GAS7: variants seen among roughly 807,000 people sequenced by gnomAD.
GAS7 encodes the protein growth arrest specific 7.
A neutral mutation model predicts 71.1 loss-of-function variants in GAS7; 28 were observed. The observed-to-expected ratio is 0.39, with a 90% CI of 0.29 to 0.54. The LOEUF (loss-of-function observed/expected upper bound fraction) is 0.54, where lower values mean the gene tolerates loss of function less well. Ranked by LOEUF, GAS7 falls within the 20% of genes least tolerant of loss-of-function variation. The pLI is 0.62. For missense variants in GAS7, 436 were observed against 627.8 expected (o/e 0.69, Z 3.27); for synonymous variants, 258 against 245.8 (o/e 1.05, Z -0.46).
At chr17:10,172,660 C>A (rs541163929) in intron 1 of GAS7, among the ~76,000 whole-genome samples, 1 of 152,256 alleles carries the variant, frequency 6.6e-6, no homozygotes, top group Non-Finnish European at 1.5e-5. Context: ...GCGCCTCTTA[C>A]AACATTCTGC....
chr17:9,931,492 C>G (rs575781096), intron 9 of GAS7, among the ~76,000 whole-genome samples: 1 of 152,280 alleles, frequency 6.6e-6, no homozygotes, highest in East Asian at 1.9e-4. Flanking sequence ...TGGCAGCCCG[C>G]CCAGGATCTT....
chr17:9,976,802 G>C (rs1367409954), intron 3 of GAS7, among the ~76,000 whole-genome samples: 1 of 152,098 alleles, frequency 6.6e-6, no homozygotes, highest in Non-Finnish European at 1.5e-5. Context: ...AAAAATAATA[G>C]ATTTCTTTTA....
chr17:10,196,187 G>A (rs541338561), intron 1 of GAS7, among the ~76,000 whole-genome samples: 5 of 152,232 alleles, frequency 3.3e-5, no homozygotes, highest in South Asian at 2.1e-4. Flanking sequence ...AGTTGAGCCC[G>A]GGCTATCATG....
In GAS7 at chr17:9,940,169, A is replaced by G. The variant is rs1442942346; in HGVS notation, c.763T>C (p.Leu255=). Reference sequence around the variant, plus strand: ...AAGGAGTTCTGAGAGAGCTTAGCTAAGTTCTTCGCATAGTCTTCTTCAATC... The same window carrying G: ...AAGGAGTTCTGAGAGAGCTTAGCTAGGTTCTTCGCATAGTCTTCTTCAATC... ...IKIEEDYAKN[L]AKLSQNSLAS... Residue 255 remains leucine (L), a synonymous_variant, in exon 8 of 14, where the codon TTA becomes CTA. Transcript: ENST00000432992. The G allele has an allele frequency of 6.2e-7, 1 of 1,612,830 alleles. No individual in the cohort carries two copies. Among genetic ancestry groups the G allele is most frequent in the Non-Finnish European group, 8.5e-7 (1 of 1,178,808 alleles).
chr17:9,975,644 G>T (rs1310097516), intron 3 of GAS7, among the ~76,000 whole-genome samples: 1 of 151,940 alleles, frequency 6.6e-6, no homozygotes, highest in Non-Finnish European at 1.5e-5. Context: ...AATTCTGCCA[G>T]ATGTGTATTG....
intron 4 of GAS7, among the ~76,000 whole-genome samples, chr17:9,960,740 C>T (rs1361592031): frequency 6.6e-6 from 1 of 152,202 alleles, no homozygotes; most frequent in Non-Finnish European, 1.5e-5. Flanking sequence ...CTGCTAAGGT[C>T]GCATACCCTT....
intron 1 of GAS7, among the ~76,000 whole-genome samples, chr17:10,030,356 G>A (rs1483427673): frequency 6.6e-6 from 1 of 152,234 alleles, no homozygotes; most frequent in Non-Finnish European, 1.5e-5. Flanking sequence ...ACACCTGTTT[G>A]GCTTTGTAAG....
chr17:10,009,115 T>C (rs1210345067), intron 2 of GAS7, among the ~76,000 whole-genome samples: 2 of 151,280 alleles, frequency 1.3e-5, no homozygotes, highest in African/African-American at 4.9e-5. Flanking sequence ...GGTCAGGAGA[T>C]CGAGACCATC....
chr17:10,082,672 C>T (rs2152252146), intron 1 of GAS7, among the ~76,000 whole-genome samples: 1 of 152,240 alleles, frequency 6.6e-6, no homozygotes, highest in East Asian at 1.9e-4. Context: ...GAAAATGTGT[C>T]CGAAAAACCT....
At chr17:10,085,706 A>AAAAAAAAAAAGAAAGAAAG (rs1555531934) in intron 1 of GAS7, among the ~76,000 whole-genome samples, 4 of 134,914 alleles carry the variant, frequency 3.0e-5, no homozygotes, top group Admixed American at 7.4e-5. Flanking sequence ...AAAAAAAAAA[A>AAAAAAAAAAAGAAAGAAAG]AAAGAAAGAA....
At chr17:9,932,425 TC>T (rs2068243205) in intron 9 of GAS7, among the ~76,000 whole-genome samples, 1 of 152,110 alleles carries the variant, frequency 6.6e-6, no homozygotes, top group Non-Finnish European at 1.5e-5. Flanking sequence ...GATCTCATGA[TC>T]TCATGATCCA....
chr17:10,127,500 A>T (rs2073960376), intron 1 of GAS7, among the ~76,000 whole-genome samples: 1 of 152,096 alleles, frequency 6.6e-6, no homozygotes, highest in African/African-American at 2.4e-5. Flanking sequence ...TTGCCCCAGC[A>T]CCTCATCAAA....
chr17:10,188,749 C>G (rs1362535396), intron 1 of GAS7, among the ~76,000 whole-genome samples: 2 of 152,096 alleles, frequency 1.3e-5, no homozygotes, highest in African/African-American at 4.8e-5. Flanking sequence ...AGCGATCCTC[C>G]CACCTGAGCC....
At chr17:9,963,594 T>C (rs1278977625) in intron 4 of GAS7, among the ~76,000 whole-genome samples, 3 of 151,840 alleles carry the variant, frequency 2.0e-5, no homozygotes, top group Admixed American at 6.6e-5. Flanking sequence ...GGGGGCCAGG[T>C]ATGGTGGCGC....
chr17:9,979,137 A>G (rs1423316751), intron 3 of GAS7, among the ~76,000 whole-genome samples: 1 of 152,250 alleles, frequency 6.6e-6, no homozygotes, highest in Non-Finnish European at 1.5e-5. Flanking sequence ...ACAAAGCACA[A>G]ACGAACTGAG....
At chr17:10,175,350 T>C (rs2074366496) in intron 1 of GAS7, among the ~76,000 whole-genome samples, 1 of 151,950 alleles carries the variant, frequency 6.6e-6, no homozygotes, top group Admixed American at 6.6e-5. Context: ...TTGCTGGGGC[T>C]GCCACAAAAA....
rs759461888 is a variant in GAS7, at chr17:9,940,150, T to C, written c.782A>G (p.Asn261Ser). 1.2e-6 allele frequency: 2 copies of C among 1,609,234 alleles called. No homozygotes were observed. Among genetic ancestry groups the C allele is most frequent in the South Asian group, 2.2e-5 (2 of 90,980 alleles). The change falls in exon 8 of 14, where the codon AAC (asparagine) becomes AGC (serine). Residue 261 changes from asparagine to serine, a missense_variant. Transcript: ENST00000432992. Reference sequence around the variant, plus strand: ...CCCTTCCTCCTGTGAAGCCAAGGAGTTCTGAGAGAGCTTAGCTAAGTTCTT... The same window carrying C: ...CCCTTCCTCCTGTGAAGCCAAGGAGCTCTGAGAGAGCTTAGCTAAGTTCTT... ...YAKNLAKLSQ[N>S]SLASQEEGSL... is the part of the protein sequence containing the mutation.
chr17:10,132,018 T>C (rs2074001140), intron 1 of GAS7, among the ~76,000 whole-genome samples: 1 of 152,156 alleles, frequency 6.6e-6, no homozygotes, highest in Non-Finnish European at 1.5e-5. Context: ...CATGAAAACG[T>C]ACTCATGAAC....
rs72824215 is a variant in GAS7 at position 9,911,184 on chromosome 17, G to A, written c.*6044C>T. On this transcript the variant is annotated 3_prime_UTR_variant, in exon 14 of 14. Transcript: ENST00000432992. This position sits in a 1 kb window ranked among gnomAD's most constrained non-coding sequence, Gnocchi z 4.0. ...TGGAACCCACGACTCCCGAGAGCCC[G>A]TCTGCTGCAGGTGATGCTGGAAGGG... 0.023 allele frequency: 5,477 copies of A among 233,236 alleles called. 90 individuals are homozygous for A. The highest frequency in any genetic ancestry group is 0.031 in the Non-Finnish European group (3,661 of 118,074). 14.4% of individuals were successfully genotyped at this position (233,236 alleles called of 1,614,324 possible). A position where few individuals can be genotyped will look rare whatever the true frequency, so the allele number is the denominator to read the frequency against.
Sources: allele counts gnomAD v4.1 joint callset (sites outside exome capture counted in the v4.1 genomes callset), GRCh38; gene constraint gnomAD v4.1.1; non-coding constraint Gnocchi (gnomAD v3.1); transcripts MANE v1.5; gene names NCBI Gene and HGNC (gene_info 2026-07-23, HGNC 2026-07-21).